MAML2: variants seen among roughly 807,000 people sequenced by gnomAD.
MAML2 encodes mastermind like transcriptional coactivator 2.
In MAML2, 22 loss-of-function variants were observed where a neutral mutation model predicts 96.1. That is an observed-to-expected ratio of 0.23 (90% CI 0.16 to 0.33). The LOEUF (loss-of-function observed/expected upper bound fraction) is 0.33, where lower values mean the gene tolerates loss of function less well. Ranked by LOEUF, MAML2 falls within the 10% of genes least tolerant of loss-of-function variation. The pLI, the probability that MAML2 is intolerant of heterozygous loss-of-function variation, is 1.00. For missense variants in MAML2, 1,367 were observed against 1,392.4 expected (o/e 0.98, Z 0.29); for synonymous variants, 561 against 521.3 (o/e 1.08, Z -1.04).
chr11:96,033,690 A>G (rs1858654200), intron 2 of MAML2, among the ~76,000 whole-genome samples: 1 of 152,194 alleles, frequency 6.6e-6, no homozygotes, highest in African/African-American at 2.4e-5. Context: ...GAGCACATGG[A>G]AGAGGAGAGT....
At chr11:96,129,903 T>C (rs1380572828) in intron 1 of MAML2, among the ~76,000 whole-genome samples, 1 of 152,226 alleles carries the variant, frequency 6.6e-6, no homozygotes, top group African/African-American at 2.4e-5. Flanking sequence ...CTATCAGTAA[T>C]TTTTAAAGCT....
At chr11:96,166,177 T>TCTCTCTCTCTCACACA (rs530578845) in intron 1 of MAML2, among the ~76,000 whole-genome samples, 58 of 110,326 alleles carry the variant, frequency 5.3e-4, no homozygotes, top group Non-Finnish European at 8.4e-4. Context: ...TCTCTCTCTC[T>TCTCTCTCTCTCACACA]CACACACACA....
chr11:96,224,016 A>G (rs1349686363), intron 1 of MAML2, among the ~76,000 whole-genome samples: 1 of 152,194 alleles, frequency 6.6e-6, no homozygotes, highest in East Asian at 1.9e-4. Flanking sequence ...GAGATACATT[A>G]TTTTATATTA....
chr11:96,175,324 T>G (rs542652397), intron 1 of MAML2, among the ~76,000 whole-genome samples: 1 of 152,172 alleles, frequency 6.6e-6, no homozygotes, highest in Non-Finnish European at 1.5e-5. Context: ...AAAACATATC[T>G]CAAATGCAAG....
intron 1 of MAML2, among the ~76,000 whole-genome samples, chr11:96,169,156 C>A (rs929614030): frequency 6.6e-6 from 1 of 152,210 alleles, no homozygotes; most frequent in Non-Finnish European, 1.5e-5. Context: ...AAGGCCTGAA[C>A]GAGTTAATAA....
intron 1 of MAML2, among the ~76,000 whole-genome samples, chr11:96,329,540 G>C (rs1438315273): frequency 6.6e-6 from 1 of 152,156 alleles, no homozygotes; most frequent in African/African-American, 2.4e-5. Context: ...CATACCAAAA[G>C]AGGCCTAAGA....
chr11:96,197,559 T>C (rs1450899980), intron 1 of MAML2, among the ~76,000 whole-genome samples: 1 of 152,230 alleles, frequency 6.6e-6, no homozygotes, highest in Non-Finnish European at 1.5e-5. Context: ...ATTTCTCGTA[T>C]CTTTATTGCT....
At chr11:96,113,602 TTGAAA>T (rs1860172287) in intron 1 of MAML2, among the ~76,000 whole-genome samples, 1 of 36,602 alleles carries the variant, frequency 2.7e-5, no homozygotes, top group African/African-American at 8.9e-5. Flanking sequence ...TCCCCGTTGT[TTGAAA>T]AAAAAAAAAA....
chr11:96,269,623 G>T (rs1465437663), intron 1 of MAML2, among the ~76,000 whole-genome samples: 1 of 144,152 alleles, frequency 6.9e-6, no homozygotes, highest in Non-Finnish European at 1.5e-5. Flanking sequence ...GTGATTCTAT[G>T]CCTCAGCCTC....
chr11:96,221,054 T>C (rs1209542394), intron 1 of MAML2, among the ~76,000 whole-genome samples: 1 of 152,220 alleles, frequency 6.6e-6, no homozygotes, highest in Non-Finnish European at 1.5e-5. Context: ...TATTGAGCAC[T>C]GAGGAGATGT....
At chr11:96,038,953 G>A (rs190159856) in intron 2 of MAML2, among the ~76,000 whole-genome samples, 1 of 152,224 alleles carries the variant, frequency 6.6e-6, no homozygotes, top group Non-Finnish European at 1.5e-5. Context: ...ATAAATAAAT[G>A]AATGAAAATA....
intron 1 of MAML2, among the ~76,000 whole-genome samples, chr11:96,167,954 A>C (rs1861219389): frequency 6.6e-6 from 1 of 152,174 alleles, no homozygotes; most frequent in Admixed American, 6.5e-5. Flanking sequence ...TATATGTCTG[A>C]AGTCTGGATT....
intron 2 of MAML2, among the ~76,000 whole-genome samples, chr11:96,010,744 G>A (rs1858254091): frequency 6.6e-6 from 1 of 152,158 alleles, no homozygotes; most frequent in South Asian, 2.1e-4. Context: ...GAAAGAGAGA[G>A]AAAGAGAGAC....
intron 1 of MAML2, among the ~76,000 whole-genome samples, chr11:96,300,322 C>T (rs1182840063): frequency 6.6e-6 from 1 of 152,118 alleles, no homozygotes; most frequent in African/African-American, 2.4e-5. Context: ...GATGAGAAGC[C>T]TTGGCAAGCT....
At chr11:96,189,369 T>C (rs1026614723) in intron 1 of MAML2, among the ~76,000 whole-genome samples, 1 of 152,240 alleles carries the variant, frequency 6.6e-6, no homozygotes, top group African/African-American at 2.4e-5. Context: ...TGTTTTTACA[T>C]ACCAATAGTT....
At chr11:96,257,459 T>C (rs1862684020) in intron 1 of MAML2, among the ~76,000 whole-genome samples, 1 of 152,256 alleles carries the variant, frequency 6.6e-6, no homozygotes, top group Non-Finnish European at 1.5e-5. Flanking sequence ...ACAAAATGCA[T>C]AGGCATGTTA....
chr11:96,045,705 G>A (rs1224729822), intron 2 of MAML2, among the ~76,000 whole-genome samples: 3 of 152,158 alleles, frequency 2.0e-5, no homozygotes, highest in Non-Finnish European at 4.4e-5. Context: ...GGAATATTTT[G>A]TCACTCAGAT....
chr11:96,036,654 A>G (rs1858717228), intron 2 of MAML2, among the ~76,000 whole-genome samples: 1 of 152,200 alleles, frequency 6.6e-6, no homozygotes, highest in Admixed American at 6.5e-5. Context: ...AGATTCAAGA[A>G]TATGTTGAAT....
At chr11:96,291,955 A>G (rs1475223954) in intron 1 of MAML2, among the ~76,000 whole-genome samples, 2 of 152,244 alleles carry the variant, frequency 1.3e-5, no homozygotes, top group African/African-American at 4.8e-5. Flanking sequence ...ATCTTTATGC[A>G]GCATGTGAGT....
Sources: gnomAD v4.1 joint callset for allele counts (sites outside exome capture counted in the v4.1 genomes callset) on GRCh38, gnomAD v4.1.1 for gene constraint, MANE v1.5 for transcripts, NCBI Gene and HGNC (gene_info 2026-07-23, HGNC 2026-07-21) for gene names.